CWF19L2: variants seen among roughly 807,000 people sequenced by gnomAD.
CWF19L2 encodes the protein CWF19-like protein 2.
Under a neutral mutation model 111.7 loss-of-function variants are expected in CWF19L2, and 98 were observed. The observed-to-expected ratio is 0.88, with a 90% confidence interval of 0.75 to 1.04. CWF19L2 has a LOEUF of 1.04. Among genes scored for constraint, CWF19L2 ranks in the 50% least tolerant of loss-of-function variants. The pLI, the probability that CWF19L2 is intolerant of heterozygous loss-of-function variation, is 0.00. For synonymous variants in CWF19L2, 351 were observed against 342.9 expected (o/e 1.02, Z -0.26); for missense variants, 1,101 against 1,051.4 (o/e 1.05, Z -0.65).
Position 107,326,835 on chromosome 11 carries a change from C to A in CWF19L2, c.*75G>T. The A allele has an allele frequency of 7.8e-7, 1 of 1,276,498 alleles. No individual in the cohort carries two copies. Among genetic ancestry groups the A allele is most frequent in the South Asian group, 1.5e-5 (1 of 66,040 alleles). 79.1% of individuals were successfully genotyped at this position (1,276,498 alleles called of 1,614,324 possible). ...CTCTCTCTGCCTGTGACCTGAGGGTCAGTTGCTTCATTAGATGCAATGGAA... is the reference window on the plus strand; with the variant it reads ...CTCTCTCTGCCTGTGACCTGAGGGTAAGTTGCTTCATTAGATGCAATGGAA... On this transcript the variant is annotated 3_prime_UTR_variant, in exon 18 of 18. Transcript: ENST00000282251.
At chr11:107,395,031 G>C (rs947017927) in intron 10 of CWF19L2, among the ~76,000 whole-genome samples, 4 of 152,110 alleles carry the variant, frequency 2.6e-5, no homozygotes, top group African/African-American at 9.7e-5. Context: ...GTGTTTTATA[G>C]CAATTGTATA....
intron 6 of CWF19L2, among the ~76,000 whole-genome samples, chr11:107,436,163 C>CCA (rs71470850): frequency 8.8e-6 from 1 of 113,088 alleles, no homozygotes; most frequent in African/African-American, 3.3e-5. Context: ...CCCCCCGACC[C>CCA]AAAAAAAAAA....
intron 10 of CWF19L2, among the ~76,000 whole-genome samples, chr11:107,407,082 C>T (rs1245506342): frequency 6.6e-6 from 1 of 150,642 alleles, no homozygotes. Context: ...TGGAGTTTCA[C>T]TCAACTAATT....
At chr11:107,432,056 A>G (rs1208981202) in intron 7 of CWF19L2, among the ~76,000 whole-genome samples, 2 of 152,200 alleles carry the variant, frequency 1.3e-5, no homozygotes, top group Non-Finnish European at 2.9e-5. Flanking sequence ...AATAAATTAT[A>G]CCAAGAGCAC....
At chr11:107,413,467 T>G (rs948632371) in intron 10 of CWF19L2, among the ~76,000 whole-genome samples, 1 of 152,318 alleles carries the variant, frequency 6.6e-6, no homozygotes, top group South Asian at 2.1e-4. Flanking sequence ...GAGGTAGGAC[T>G]GGAAAACAGG....
intron 8 of CWF19L2, among the ~76,000 whole-genome samples, chr11:107,425,231 CT>C (rs910511545): frequency 1.6e-4 from 24 of 148,814 alleles, no homozygotes; most frequent in Non-Finnish European, 2.7e-4. Flanking sequence ...GGTTGAAAAC[CT>C]TTGAGAAATA....
rs531087438 is a variant in CWF19L2 at position 107,397,885 on chromosome 11, C to T, written c.1618-4990G>A. On this transcript the variant is annotated intron_variant, in intron 10 of 17. Transcript: ENST00000282251. ...CCGTACCAGCCCATAGCCAGGTAAA[C>T]TTGCTGGGTGGCTAGACCCAGAAGA... Among the ~76,000 whole-genome samples the T allele has an allele frequency of 6.6e-5, 10 of 152,280 alleles. No homozygotes were observed. In the South Asian group the frequency reaches 2.1e-3, roughly 32 times the overall value.
chr11:107,435,392 T>A (rs936424810), intron 6 of CWF19L2, among the ~76,000 whole-genome samples: 1 of 152,142 alleles, frequency 6.6e-6, no homozygotes, highest in Non-Finnish European at 1.5e-5. Context: ...TATATGAATG[T>A]CTCAGCTACA....
At chr11:107,436,013 G>A (rs187508032) in intron 6 of CWF19L2, among the ~76,000 whole-genome samples, 79 of 152,088 alleles carry the variant, frequency 5.2e-4, no homozygotes, top group Non-Finnish European at 9.9e-4. Context: ...AATTAGCTGG[G>A]TGTGGTGGCA....
At chr11:107,333,339 T>G (rs1859877074) in intron 16 of CWF19L2, among the ~76,000 whole-genome samples, 1 of 152,204 alleles carries the variant, frequency 6.6e-6, no homozygotes, top group South Asian at 2.1e-4. Context: ...CATGGAGCTT[T>G]TAAAAAAGAA....
intron 16 of CWF19L2, among the ~76,000 whole-genome samples, chr11:107,332,343 T>C (rs1859861986): frequency 6.6e-6 from 1 of 152,216 alleles, no homozygotes; most frequent in Admixed American, 6.5e-5. Context: ...TTCCTCTGCA[T>C]TGAACACTCA....
At chr11:107,455,614 C>A (rs618078) in intron 2 of CWF19L2, 52 bp downstream of exon 2, 250,668 of 1,002,222 alleles carry the variant, frequency 0.25, 33,566 homozygotes, top group African/African-American at 0.35. Context: ...AACTTGAATA[C>A]GTGCAAAAAA....
chr11:107,351,449 A>G (rs1398883106), intron 13 of CWF19L2, among the ~76,000 whole-genome samples: 1 of 152,180 alleles, frequency 6.6e-6, no homozygotes, highest in Non-Finnish European at 1.5e-5. Context: ...GATGTTTACT[A>G]GATATCCAAG....
At chr11:107,442,771 GAAGGAAGGAAGGAAGGAAGGAA>G (rs1861640142) in intron 4 of CWF19L2, among the ~76,000 whole-genome samples, 146 bp downstream of exon 4, 1 of 46,994 alleles carries the variant, frequency 2.1e-5, no homozygotes, top group African/African-American at 1.1e-4. Context: ...AGGAAGGAAG[GAAGGAAGGAAGGAAGGAAGGAA>G]GGGAGGGAGG....
chr11:107,413,684 C>T (rs909034343), intron 10 of CWF19L2, among the ~76,000 whole-genome samples: 2 of 152,186 alleles, frequency 1.3e-5, no homozygotes, highest in Non-Finnish European at 2.9e-5. Context: ...CTAGTAATTT[C>T]TCACTCTCCA....
At chr11:107,457,170 G>A (rs1015337798) in intron 1 of CWF19L2, among the ~76,000 whole-genome samples, 2 of 151,998 alleles carry the variant, frequency 1.3e-5, no homozygotes, top group Non-Finnish European at 2.9e-5. Context: ...ACAATGTTTC[G>A]CGATCTTTTG....
At chr11:107,357,050 C>T (rs567434) in intron 12 of CWF19L2, among the ~76,000 whole-genome samples, 888 of 41,624 alleles carry the variant, frequency 0.021, 5 homozygotes, top group African/African-American at 0.12. Flanking sequence ...AACAACAAAA[C>T]AAAAACAAAA....
intron 12 of CWF19L2, among the ~76,000 whole-genome samples, chr11:107,375,277 T>C (rs1468357632): frequency 1.5e-5 from 2 of 133,756 alleles, no homozygotes; most frequent in Non-Finnish European, 3.2e-5. Flanking sequence ...GGACCTAATA[T>C]ACATCTACAG....
chr11:107,341,107 GT>G (rs1422196622), intron 14 of CWF19L2, among the ~76,000 whole-genome samples: 1 of 152,176 alleles, frequency 6.6e-6, no homozygotes, highest in African/African-American at 2.4e-5. Context: ...ATGTAAACAA[GT>G]GTGCTTTCCA....
Sources: allele counts gnomAD v4.1 joint callset (sites outside exome capture counted in the v4.1 genomes callset), GRCh38; gene constraint gnomAD v4.1.1; transcripts MANE v1.5; gene names NCBI Gene and HGNC (gene_info 2026-07-23, HGNC 2026-07-21).